The following OTOGL variants were observed in gnomAD, a reference collection of about 807,000 sequenced individuals.
OTOGL encodes the protein otogelin-like protein.
Under a neutral mutation model 318.5 loss-of-function variants are expected in OTOGL, and 285 were observed. The ratio of observed to expected loss-of-function variants is 0.89; its 90% confidence interval spans 0.81 to 0.99. The LOEUF is 0.99. Among genes scored for constraint, OTOGL ranks in the 50% least tolerant of loss-of-function variants. The pLI, the probability that OTOGL is intolerant of heterozygous loss-of-function variation, is 0.00. For missense variants in OTOGL, 2,899 were observed against 2,845.6 expected, an observed-to-expected ratio of 1.02 and a Z score of -0.43; for synonymous variants, 987 against 936.5, an observed-to-expected ratio of 1.05 and a Z score of -0.99.
At chr12:80,289,943 T>A (rs1346384796) in intron 26 of OTOGL, among the ~76,000 whole-genome samples, 1 of 151,728 alleles carries the variant, frequency 6.6e-6, no homozygotes, top group Non-Finnish European at 1.5e-5. Flanking sequence ...CTCTGGGGTA[T>A]GAAAAAAAAA....
intron 1 of OTOGL, among the ~76,000 whole-genome samples, chr12:80,126,977 G>A (rs1001153995): frequency 1.3e-5 from 2 of 152,074 alleles, no homozygotes; most frequent in African/African-American, 4.8e-5. Flanking sequence ...CACACTGATG[G>A]GTCTTGACTC....
chr12:80,109,365 C>T (rs1022481561), intron 1 of OTOGL, among the ~76,000 whole-genome samples: 3 of 151,998 alleles, frequency 2.0e-5, no homozygotes, highest in African/African-American at 2.4e-5. Context: ...CTTTTTCATT[C>T]GGGGAGAAAT....
chr12:80,290,898 G>T (rs1885000717), intron 26 of OTOGL, among the ~76,000 whole-genome samples: 1 of 152,156 alleles, frequency 6.6e-6, no homozygotes, highest in African/African-American at 2.4e-5. Context: ...AAATTCTAAG[G>T]TTTTGATGGT....
intron 32 of OTOGL, among the ~76,000 whole-genome samples, chr12:80,317,164 A>G (rs970725622): frequency 1.3e-5 from 2 of 152,160 alleles, no homozygotes. Context: ...GTTTCCTACT[A>G]AAAATTGTTA....
intron 1 of OTOGL, among the ~76,000 whole-genome samples, chr12:80,102,473 T>C (rs7976434): frequency 0.054 from 8,184 of 152,238 alleles, 732 homozygotes; most frequent in African/African-American, 0.18. Flanking sequence ...CCTCCTTCAC[T>C]CCTATGTCCA....
chr12:80,161,745 A>C (rs1303423800), intron 1 of OTOGL, among the ~76,000 whole-genome samples: 1 of 152,150 alleles, frequency 6.6e-6, no homozygotes, highest in Non-Finnish European at 1.5e-5. Flanking sequence ...AAGCTAGGAC[A>C]TACGGGGGAG....
At chr12:80,110,848 A>AAG (rs1869794658) in intron 1 of OTOGL, among the ~76,000 whole-genome samples, 1 of 152,180 alleles carries the variant, frequency 6.6e-6, no homozygotes, top group Non-Finnish European at 1.5e-5. Context: ...ACAATGGTTG[A>AAG]ACTAATTTAC....
At chr12:80,284,139 T>C (rs1884440251) in intron 26 of OTOGL, among the ~76,000 whole-genome samples, 1 of 152,184 alleles carries the variant, frequency 6.6e-6, no homozygotes, top group African/African-American at 2.4e-5. Flanking sequence ...TTTGGTTTTC[T>C]GTTCCTGCAT....
intron 38 of OTOGL, among the ~76,000 whole-genome samples, chr12:80,334,913 T>G (rs1327302489): frequency 6.6e-6 from 1 of 152,128 alleles, no homozygotes; most frequent in Non-Finnish European, 1.5e-5. Flanking sequence ...ACCTGAGAAG[T>G]GGTACAACTT....
At chr12:80,276,649 T>C (rs755158266) in intron 24 of OTOGL, among the ~76,000 whole-genome samples, 4 of 151,514 alleles carry the variant, frequency 2.6e-5, no homozygotes, top group Admixed American at 6.6e-5. Flanking sequence ...AATTCAAAGC[T>C]CAGGATGCAT....
chr12:80,302,227 C>A (rs1002016479), intron 27 of OTOGL, among the ~76,000 whole-genome samples: 14 of 152,276 alleles, frequency 9.2e-5, no homozygotes, highest in South Asian at 2.1e-4. Context: ...CAGAAACATG[C>A]GCAGGAACAA....
Position 80,336,578 on chromosome 12 carries a change from A to G in OTOGL, c.4743+23A>G, listed in dbSNP as rs1888422464. 5.0e-6 allele frequency: 8 copies of G among 1,592,102 alleles called. No homozygotes were observed. In the South Asian group the frequency reaches 5.6e-5, roughly 11 times the overall value. The stretch of plus-strand genomic sequence containing the variant: ...CAGGTGGGTCATAATTTATTTTTGC[A>G]GTCATTTCATCATAAATCTATAGCT... On this transcript the variant is annotated intron_variant, in intron 40 of 58. Coordinates refer to ENST00000547103, the MANE Select transcript of OTOGL (RefSeq NM_001378609.3).
At chr12:80,335,820 C>T in intron 38 of OTOGL, 143 bp from the exon 39 acceptor site, 1 of 635,212 alleles carries the variant, frequency 1.6e-6, no homozygotes. Flanking sequence ...TAAAAAGTTG[C>T]AGCATAATTT....
At chr12:80,230,856 A>T (rs1879297432) in intron 8 of OTOGL, among the ~76,000 whole-genome samples, 1 of 152,198 alleles carries the variant, frequency 6.6e-6, no homozygotes, top group South Asian at 2.1e-4. Flanking sequence ...TTCAGCATTC[A>T]GTTCTGCATT....
intron 24 of OTOGL, among the ~76,000 whole-genome samples, chr12:80,273,245 T>C (rs1274285883): frequency 6.6e-6 from 1 of 152,076 alleles, no homozygotes; most frequent in African/African-American, 2.4e-5. Context: ...AAGATAGCCT[T>C]CTCCTACAAT....
chr12:80,347,375 G>A (rs1889264089), intron 44 of OTOGL, among the ~76,000 whole-genome samples: 1 of 151,922 alleles, frequency 6.6e-6, no homozygotes, highest in Admixed American at 6.6e-5. Flanking sequence ...TCCCACTTAT[G>A]AGTGAGAACA....
intron 1 of OTOGL, among the ~76,000 whole-genome samples, chr12:80,176,288 G>A (rs1263482482): frequency 1.3e-5 from 2 of 152,136 alleles, no homozygotes; most frequent in South Asian, 2.1e-4. Flanking sequence ...TATTTAAGGT[G>A]TACAAATTTA....
In OTOGL at chr12:80,252,271, C is replaced by A. The variant is rs146161370; in HGVS notation, c.1285+70C>A. ...GTACCCAGTGATCTAAGGATCACAT[C>A]TTCGTTTTGCTGTCCTTTCCCAGTA... On this transcript the variant is annotated intron_variant, in intron 13 of 58. Coordinates refer to ENST00000547103, the MANE Select transcript of OTOGL (RefSeq NM_001378609.3). 1.5e-4 allele frequency: 217 copies of A among 1,423,852 alleles called. No homozygotes were observed. The African/African-American group carries it at 3.0e-3, about 20-fold the overall frequency. The allele number at this position is 1,423,852 out of a possible 1,614,324, so 88.2% of individuals were successfully genotyped here.
chr12:80,360,300 C>A (rs1163807337), intron 52 of OTOGL, among the ~76,000 whole-genome samples: 1 of 151,642 alleles, frequency 6.6e-6, no homozygotes, highest in African/African-American at 2.4e-5. Context: ...CCCTTTTCTA[C>A]TTTCTATCTT....
Sources: gnomAD v4.1 joint callset for allele counts (sites outside exome capture counted in the v4.1 genomes callset) on GRCh38, gnomAD v4.1.1 for gene constraint, MANE v1.5 for transcripts, NCBI Gene and HGNC (gene_info 2026-07-23, HGNC 2026-07-21) for gene names.